Variants in CSMD1 observed in about 807,000 individuals in gnomAD.
The protein encoded by CSMD1 is CUB and Sushi multiple domains 1.
Under a neutral mutation model 417.5 loss-of-function variants are expected in CSMD1, and 213 were observed. That is an observed-to-expected ratio of 0.51 (90% confidence interval 0.46 to 0.57). The LOEUF is 0.57. Among genes scored for constraint, CSMD1 ranks in the 20% least tolerant of loss-of-function variants. The probability of loss-of-function intolerance (pLI) is 0.00; values close to 1 mark genes in which losing one functional copy is unlikely to be tolerated. For missense variants in CSMD1, 6,923 were observed against 4,529.7 expected, an observed-to-expected ratio of 1.53 and a Z score of -15.17; for synonymous variants, 2,862 against 1,736.8, an observed-to-expected ratio of 1.65 and a Z score of -16.11.
At chr8:3,869,045 A>T (rs1805298561) in intron 5 of CSMD1, among the ~76,000 whole-genome samples, 1 of 152,210 alleles carries the variant, frequency 6.6e-6, no homozygotes, top group Non-Finnish European at 1.5e-5. Context: ...CAGTGCCCTC[A>T]GGGTCCCTTC....
intron 1 of CSMD1, among the ~76,000 whole-genome samples, chr8:4,854,696 C>G (rs1801690782): frequency 6.6e-6 from 1 of 152,140 alleles, no homozygotes; most frequent in Non-Finnish European, 1.5e-5. Flanking sequence ...GAATACTGCC[C>G]TTTTCCGACG....
At chr8:3,361,690 G>A (rs1286390168) in intron 20 of CSMD1, among the ~76,000 whole-genome samples, 1 of 144,686 alleles carries the variant, frequency 6.9e-6, no homozygotes, top group African/African-American at 2.5e-5. Context: ...AAACATTCTT[G>A]CCAAACAGGA....
intron 2 of CSMD1, among the ~76,000 whole-genome samples, chr8:4,494,295 C>G (rs773768725): frequency 1.3e-5 from 2 of 152,120 alleles, no homozygotes; most frequent in Admixed American, 1.3e-4. Context: ...CTTTCATAGA[C>G]AAAACATGTA....
At chr8:3,046,049 T>C (rs1585219331) in intron 50 of CSMD1, among the ~76,000 whole-genome samples, 1 of 152,284 alleles carries the variant, frequency 6.6e-6, no homozygotes, top group Non-Finnish European at 1.5e-5. Context: ...TACCTGACTT[T>C]TACTTTTGGA....
intron 21 of CSMD1, among the ~76,000 whole-genome samples, chr8:3,357,338 C>A (rs943212231): frequency 7.9e-5 from 12 of 152,282 alleles, no homozygotes; most frequent in African/African-American, 2.4e-4. Context: ...TTTGTAGAGT[C>A]TTTTTGTCTT....
chr8:3,249,313 C>G (rs921762997), intron 26 of CSMD1, among the ~76,000 whole-genome samples: 2 of 152,160 alleles, frequency 1.3e-5, no homozygotes, highest in African/African-American at 4.8e-5. Context: ...CCTCTGCCTC[C>G]TGGGTTCATG....
chr8:3,902,409 G>A (rs774254506), intron 5 of CSMD1, among the ~76,000 whole-genome samples: 10 of 152,076 alleles, frequency 6.6e-5, no homozygotes, highest in African/African-American at 2.4e-5. Context: ...TAAGGCAGCA[G>A]TCCCCATCTT....
chr8:3,969,592 T>G (rs1430287151), intron 5 of CSMD1, among the ~76,000 whole-genome samples: 3 of 152,186 alleles, frequency 2.0e-5, no homozygotes, highest in Admixed American at 6.5e-5. Context: ...GAAATTTCAT[T>G]CCATCGTAAC....
chr8:3,784,209 T>G (rs912475607), intron 5 of CSMD1, among the ~76,000 whole-genome samples: 1 of 152,196 alleles, frequency 6.6e-6, no homozygotes, highest in Non-Finnish European at 1.5e-5. Context: ...GGGTACCCAA[T>G]AAATAACAAA....
intron 1 of CSMD1, among the ~76,000 whole-genome samples, chr8:4,697,384 T>C (rs1807203741): frequency 1.3e-5 from 2 of 152,236 alleles, no homozygotes; most frequent in South Asian, 2.1e-4. Flanking sequence ...TGATTTTAAG[T>C]GGCTACTTTA....
intron 18 of CSMD1, among the ~76,000 whole-genome samples, chr8:3,382,422 AAT>A (rs1172519570): frequency 1.4e-5 from 2 of 143,204 alleles, no homozygotes; most frequent in African/African-American, 5.1e-5. Context: ...TATAACACAT[AAT>A]ATATTATATA....
chr8:4,694,862 C>T (rs1807014241), intron 1 of CSMD1, among the ~76,000 whole-genome samples: 2 of 152,140 alleles, frequency 1.3e-5, no homozygotes, highest in Non-Finnish European at 1.5e-5. Context: ...TCATAGCTCT[C>T]AGCCAAATTT....
intron 6 of CSMD1, among the ~76,000 whole-genome samples, chr8:3,749,400 G>C (rs1797212976): frequency 6.6e-6 from 1 of 152,146 alleles, no homozygotes; most frequent in African/African-American, 2.4e-5. Flanking sequence ...CTGTAGAACA[G>C]TTTTACTTGT....
intron 3 of CSMD1, among the ~76,000 whole-genome samples, chr8:4,407,787 CAT>C (rs540682540): frequency 1.5e-3 from 233 of 152,244 alleles, no homozygotes; most frequent in African/African-American, 5.3e-3. Flanking sequence ...TTTTGATACA[CAT>C]GTCAGTATTG....
chr8:4,417,425 T>C (rs1323687422), intron 3 of CSMD1, among the ~76,000 whole-genome samples: 1 of 152,032 alleles, frequency 6.6e-6, no homozygotes, highest in Non-Finnish European at 1.5e-5. Context: ...TCTTAGAACT[T>C]TGGAAGATTC....
chr8:4,550,652 C>G (rs1221349641), intron 2 of CSMD1, among the ~76,000 whole-genome samples: 1 of 152,110 alleles, frequency 6.6e-6, no homozygotes, highest in Non-Finnish European at 1.5e-5. Context: ...GGATCTCTAA[C>G]AGTTTACCTA....
Position 4,004,770 on chromosome 8 carries a change from C to T in CSMD1, c.611-6660G>A, listed in dbSNP as rs765661454. The stretch of plus-strand genomic sequence containing the variant: ...TTGTTTTGTTTTGTTTTTGAGATGG[C>T]GTCTCACTCTGTTGCCCAGGCTGGA... On this transcript the variant is annotated intron_variant, in intron 4 of 69. Transcript: ENST00000635120. Among the ~76,000 whole-genome samples, 5 of 151,786 alleles carry T rather than the reference C, an allele frequency of 3.3e-5. No homozygotes were observed. The South Asian group carries it at 1.0e-3, about 32-fold the overall frequency.
At position 3,889,480 on chromosome 8, in the gene CSMD1, TATATATATATATAA is replaced by T. The variant is rs754076464; in HGVS notation, c.818+108409_818+108422del. ...ATATATATATATATATATATATATA[TATATATATATATAA>T]AATATGCTCATTAGGTCATGATATA... On this transcript the variant is annotated intron_variant, in intron 5 of 69. Transcript: ENST00000635120. 1.6e-3 allele frequency among the ~76,000 whole-genome samples: 186 copies of T among 113,892 alleles called. 7 individuals are homozygous for T. The highest frequency in any genetic ancestry group is 5.2e-3 in the African/African-American group (157 of 30,240). The allele number at this position is 113,892 out of a possible 152,430, so 74.7% of individuals were successfully genotyped here.
Position 4,187,380 on chromosome 8 carries a change from C to T in CSMD1, c.416-155281G>A, listed in dbSNP as rs150582116. ...GTAGCATTTGGGCCAGGCACGGTGG[C>T]TGATGCCTATAATCCCAGCACTTTG... On this transcript the variant is annotated intron_variant, in intron 3 of 69. Coordinates refer to ENST00000635120, the MANE Select transcript of CSMD1 (RefSeq NM_033225.6). 2.0e-4 allele frequency among the ~76,000 whole-genome samples: 31 copies of T among 152,270 alleles called. No homozygotes were observed. The East Asian group carries it at 6.0e-3, about 29-fold the overall frequency.
Sources: allele counts gnomAD v4.1 joint callset (sites outside exome capture counted in the v4.1 genomes callset), GRCh38; gene constraint gnomAD v4.1.1; transcripts MANE v1.5; gene names NCBI Gene and HGNC (gene_info 2026-07-23, HGNC 2026-07-21).